The following FAM171A1 variants were observed in gnomAD, a reference collection of about 807,000 sequenced individuals.
FAM171A1 encodes the protein family with sequence similarity 171 member A1.
A neutral mutation model predicts 74.9 loss-of-function variants in FAM171A1; 23 were observed. That is an observed-to-expected ratio of 0.31 (90% confidence interval 0.22 to 0.44). FAM171A1 has a LOEUF of 0.44. Among genes scored for constraint, FAM171A1 ranks in the 20% least tolerant of loss-of-function variants. The pLI is 1.00. For missense variants in FAM171A1, 1,162 were observed against 1,159.2 expected, an observed-to-expected ratio of 1.00 and a Z score of -0.03; for synonymous variants, 527 against 505.7, an observed-to-expected ratio of 1.04 and a Z score of -0.57.
intron 1 of FAM171A1, among the ~76,000 whole-genome samples, chr10:15,312,307 CTCTAAG>C (rs72403746): frequency 0.22 from 32,813 of 152,086 alleles, 3,751 homozygotes; most frequent in Non-Finnish European, 0.27. Flanking sequence ...CCAACTGTCA[CTCTAAG>C]TCTAAAGCCC....
At chr10:15,224,656 G>A (rs1352797361) in intron 5 of FAM171A1, among the ~76,000 whole-genome samples, 1 of 152,060 alleles carries the variant, frequency 6.6e-6, no homozygotes, top group Non-Finnish European at 1.5e-5. Flanking sequence ...TTTATAAGGG[G>A]GAGTTTCCCT....
chr10:15,229,578 GTCATCATCATCACCA>G lies in FAM171A1; in HGVS notation c.755-8533_755-8519del, dbSNP rs1197174184. 1.9e-3 allele frequency among the ~76,000 whole-genome samples: 118 copies of G among 62,600 alleles called. 3 individuals are homozygous for G. Among genetic ancestry groups the G allele is most frequent in the African/African-American group, 7.2e-3 (117 of 16,362 alleles). The allele number at this position is 62,600 out of a possible 152,430, so 41.1% of individuals were successfully genotyped here. On this transcript the variant is annotated intron_variant, in intron 5 of 7. Transcript: ENST00000378116. ...TGTCACCCCCATCACCATCACCAAC[GTCATCATCATCACCA>G]TCATCACCATCACCATCATCACCAT...
intron 1 of FAM171A1, among the ~76,000 whole-genome samples, chr10:15,353,428 C>T (rs531861399): frequency 6.6e-6 from 1 of 152,262 alleles, no homozygotes; most frequent in African/African-American, 2.4e-5. Context: ...TAAATATTGA[C>T]ATAATGATAG....
chr10:15,277,611 C>G (rs951294784), intron 2 of FAM171A1, among the ~76,000 whole-genome samples: 21 of 152,190 alleles, frequency 1.4e-4, no homozygotes, highest in African/African-American at 5.1e-4. Context: ...TATCCCACAG[C>G]TAATAAATGC....
rs755347881 is a variant in FAM171A1 at position 15,212,930 on chromosome 10, C to T, written c.2658G>A (p.Ala886=). ...WQKREERPLM[A]FNIK ...CTGCGATAGCTCATTTAATGTTAAA[C>T]GCCATCAGGGGCCTCTCCTCCCGTT... is the stretch of plus-strand genomic sequence containing the variant. The change falls in exon 8 of 8, where the codon GCG becomes GCA. Residue 886 remains alanine (A), a synonymous_variant. Coordinates refer to ENST00000378116, the MANE Select transcript of FAM171A1 (RefSeq NM_001010924.2). The T allele has an allele frequency of 3.1e-6, 5 of 1,613,998 alleles. No homozygotes were observed. Among genetic ancestry groups the T allele is most frequent in the Non-Finnish European group, 4.2e-6 (5 of 1,179,996 alleles).
At chr10:15,239,963 A>G (rs1377668561) in intron 5 of FAM171A1, among the ~76,000 whole-genome samples, 1 of 152,256 alleles carries the variant, frequency 6.6e-6, no homozygotes, top group African/African-American at 2.4e-5. Flanking sequence ...ACCTTTGAGT[A>G]TCATGATGGA....
At chr10:15,303,348 T>C (rs1485929560) in intron 1 of FAM171A1, among the ~76,000 whole-genome samples, 1 of 152,200 alleles carries the variant, frequency 6.6e-6, no homozygotes, top group Non-Finnish European at 1.5e-5. Context: ...GGGGAATAAA[T>C]AACTACTTTG....
chr10:15,257,805 C>A (rs1034600211), intron 3 of FAM171A1, among the ~76,000 whole-genome samples: 45 of 152,146 alleles, frequency 3.0e-4, no homozygotes, highest in African/African-American at 1.1e-3. Context: ...CTATTCTGAG[C>A]CACAGCACAA....
At chr10:15,216,148 C>A in intron 6 of FAM171A1, 38 bp from the exon 7 acceptor site, 2 of 1,291,150 alleles carry the variant, frequency 1.5e-6, no homozygotes, top group Non-Finnish European at 2.2e-6. Context: ...GTTTTGAACA[C>A]CTTTAACTCA....
chr10:15,287,544 C>G (rs562935838), intron 1 of FAM171A1, among the ~76,000 whole-genome samples: 12 of 151,928 alleles, frequency 7.9e-5, no homozygotes, highest in Non-Finnish European at 1.2e-4. Flanking sequence ...CCTGCCACCA[C>G]GCCCACCTAA....
intron 1 of FAM171A1, among the ~76,000 whole-genome samples, chr10:15,364,814 G>T (rs1017069206): frequency 1.4e-4 from 22 of 152,154 alleles, no homozygotes; most frequent in Non-Finnish European, 2.8e-4. Context: ...AGGTATCTGT[G>T]TAGCGTCTTC....
chr10:15,279,369 G>A (rs945639529), intron 2 of FAM171A1, among the ~76,000 whole-genome samples: 18 of 152,110 alleles, frequency 1.2e-4, no homozygotes, highest in African/African-American at 3.4e-4. Flanking sequence ...GGGACTTCCC[G>A]GGGCAGAGGA....
chr10:15,301,362 A>ATTTT (rs71390027), intron 1 of FAM171A1, among the ~76,000 whole-genome samples: 5 of 141,558 alleles, frequency 3.5e-5, no homozygotes, highest in Non-Finnish European at 6.1e-5. Flanking sequence ...ATATATATAT[A>ATTTT]TTTTTTTTTT....
Position 15,355,535 on chromosome 10 carries a change from T to C in FAM171A1, c.97+15421A>G, listed in dbSNP as rs1046799952. Among the ~76,000 whole-genome samples the C allele has an allele frequency of 1.7e-4, 26 of 152,072 alleles. 1 individual carries two copies. Among genetic ancestry groups the C allele is most frequent in the Admixed American group, 1.5e-3 (23 of 15,274 alleles). On this transcript the variant is annotated intron_variant, in intron 1 of 7. Transcript: ENST00000378116. ...GAGTTTGATACCAGCCTGGCCAACT[T>C]GGTGAAACCCTCTCTCTACTAAAAA... is the stretch of plus-strand genomic sequence containing the variant.
chr10:15,303,307 C>A (rs923652199), intron 1 of FAM171A1, among the ~76,000 whole-genome samples: 2 of 152,098 alleles, frequency 1.3e-5, no homozygotes, highest in Non-Finnish European at 2.9e-5. Context: ...TTTAAAATCA[C>A]ACACGATTGA....
intron 1 of FAM171A1, among the ~76,000 whole-genome samples, chr10:15,312,252 C>T (rs1835367594): frequency 6.6e-6 from 1 of 152,194 alleles, no homozygotes; most frequent in Non-Finnish European, 1.5e-5. Flanking sequence ...AGAAAATATG[C>T]TTCATAAACA....
intron 3 of FAM171A1, among the ~76,000 whole-genome samples, chr10:15,270,205 A>G (rs1834804917): frequency 6.6e-6 from 1 of 152,246 alleles, no homozygotes; most frequent in Admixed American, 6.5e-5. Flanking sequence ...TAACAGTCTT[A>G]GCAAACGGCA....
intron 1 of FAM171A1, among the ~76,000 whole-genome samples, chr10:15,300,779 C>A (rs912994793): frequency 2.0e-5 from 3 of 152,136 alleles, no homozygotes; most frequent in Non-Finnish European, 4.4e-5. Context: ...CCATAATAAT[C>A]TCATGGAGCT....
intron 1 of FAM171A1, among the ~76,000 whole-genome samples, chr10:15,307,756 TCAAC>T (rs1835314525): frequency 6.6e-6 from 1 of 150,428 alleles, no homozygotes; most frequent in South Asian, 2.1e-4. Context: ...TCCTTCCTAA[TCAAC>T]CAACCAATAA....
Sources: gnomAD v4.1 joint callset for allele counts (sites outside exome capture counted in the v4.1 genomes callset) on GRCh38, gnomAD v4.1.1 for gene constraint, MANE v1.5 for transcripts, NCBI Gene and HGNC (gene_info 2026-07-23, HGNC 2026-07-21) for gene names.